Variants in NELL1 observed in about 807,000 individuals in gnomAD.
The protein encoded by NELL1 is neural EGFL like 1.
A neutral mutation model predicts 107.4 loss-of-function variants in NELL1; 76 were observed. The ratio of observed to expected loss-of-function variants is 0.71; its 90% CI spans 0.59 to 0.86. The LOEUF (loss-of-function observed/expected upper bound fraction) is 0.86, where lower values mean the gene tolerates loss of function less well. NELL1 is among the 40% of genes least tolerant of loss of function. The probability of loss-of-function intolerance (pLI) is 0.00; values close to 1 mark genes in which losing one functional copy is unlikely to be tolerated. For missense variants in NELL1, 1,024 were observed against 1,005.5 expected (o/e 1.02, Z -0.25); for synonymous variants, 353 against 341.2 (o/e 1.03, Z -0.38).
intron 14 of NELL1, among the ~76,000 whole-genome samples, chr11:21,356,892 G>A (rs1408657240): frequency 6.6e-6 from 1 of 152,168 alleles, no homozygotes; most frequent in Non-Finnish European, 1.5e-5. Context: ...TTATCAGTGA[G>A]AACATACGAT....
chr11:20,788,046 C>G (rs1204486481), intron 3 of NELL1, among the ~76,000 whole-genome samples: 4 of 152,090 alleles, frequency 2.6e-5, no homozygotes, highest in Admixed American at 2.6e-4. Context: ...TAGTTCACTT[C>G]TTTTTATTGC....
chr11:20,685,816 A>C (rs954191972), intron 2 of NELL1, among the ~76,000 whole-genome samples: 7 of 152,108 alleles, frequency 4.6e-5, no homozygotes, highest in East Asian at 1.9e-4. Context: ...AAAGCAGAAG[A>C]CTGGGGAAGG....
intron 3 of NELL1, among the ~76,000 whole-genome samples, chr11:20,841,440 CT>C (rs933202650): frequency 4.0e-5 from 6 of 151,282 alleles, no homozygotes; most frequent in Non-Finnish European, 5.9e-5. Context: ...TAGATATTGG[CT>C]ACATCTGCTA....
At chr11:21,163,753 T>C (rs1408478026) in intron 13 of NELL1, among the ~76,000 whole-genome samples, 2 of 152,156 alleles carry the variant, frequency 1.3e-5, no homozygotes, top group Non-Finnish European at 2.9e-5. Flanking sequence ...ATGTTAGAAG[T>C]TCTGGTGTCT....
At chr11:21,142,420 A>G (rs1855889240) in intron 13 of NELL1, among the ~76,000 whole-genome samples, 1 of 152,234 alleles carries the variant, frequency 6.6e-6, no homozygotes, top group Non-Finnish European at 1.5e-5. Flanking sequence ...TCTGGGTCCC[A>G]AGTATGACTT....
intron 3 of NELL1, among the ~76,000 whole-genome samples, chr11:20,813,600 A>G (rs1857550911): frequency 6.6e-6 from 1 of 152,124 alleles, no homozygotes; most frequent in African/African-American, 2.4e-5. Context: ...CAGTGTCTTG[A>G]GTTTATCTTG....
At chr11:20,751,588 C>A (rs1319312574) in intron 2 of NELL1, among the ~76,000 whole-genome samples, 1 of 151,958 alleles carries the variant, frequency 6.6e-6, no homozygotes, top group East Asian at 1.9e-4. Context: ...GTGATGCTCC[C>A]ACTCCAGCCT....
intron 12 of NELL1, among the ~76,000 whole-genome samples, chr11:21,093,866 A>G (rs1854578488): frequency 6.6e-6 from 1 of 152,088 alleles, no homozygotes; most frequent in Non-Finnish European, 1.5e-5. Flanking sequence ...GGAATTCGAG[A>G]TGAGATTTGG....
At chr11:21,411,762 G>A (rs1233914942) in intron 15 of NELL1, among the ~76,000 whole-genome samples, 1 of 152,052 alleles carries the variant, frequency 6.6e-6, no homozygotes, top group Admixed American at 6.6e-5. Context: ...AAATGATTCA[G>A]GTGAGGTGAA....
rs1854491199 is a variant in NELL1 at position 20,692,373 on chromosome 11, A to G, written c.184+14313A>G. On this transcript the variant is annotated intron_variant, in intron 2 of 19. Transcript: ENST00000357134. ...TGCTTCTCTAGTTCTTTTAATTGTGATGTTAGGGTGTCAATTTTGGGTCTT... is the reference window on the plus strand; with the variant it reads ...TGCTTCTCTAGTTCTTTTAATTGTGGTGTTAGGGTGTCAATTTTGGGTCTT... Among the ~76,000 whole-genome samples, 9 of 150,640 alleles carry G rather than the reference A, an allele frequency of 6.0e-5. No individual in the cohort carries two copies. In the South Asian group the frequency reaches 1.9e-3, roughly 32 times the overall value.
intron 3 of NELL1, among the ~76,000 whole-genome samples, chr11:20,803,624 A>G (rs375765682): frequency 1.3e-5 from 2 of 152,002 alleles, no homozygotes; most frequent in African/African-American, 4.8e-5. Context: ...TAGTTCTTTA[A>G]GATGCATCAT....
chr11:21,018,880 T>C (rs759655492), intron 12 of NELL1, among the ~76,000 whole-genome samples: 23 of 152,162 alleles, frequency 1.5e-4, no homozygotes, highest in Non-Finnish European at 2.9e-4. Context: ...CTGCAGAGGC[T>C]GCTTCCTATT....
intron 4 of NELL1, among the ~76,000 whole-genome samples, chr11:20,884,205 C>T (rs1849461815): frequency 1.3e-5 from 2 of 152,312 alleles, no homozygotes; most frequent in South Asian, 2.1e-4. Flanking sequence ...CAGCTCCCAA[C>T]TGCAGCAGGC....
chr11:20,748,187 A>G (rs189062014), intron 2 of NELL1, among the ~76,000 whole-genome samples: 15 of 152,252 alleles, frequency 9.9e-5, no homozygotes, highest in African/African-American at 2.9e-4. Context: ...CACCTAGGAT[A>G]GACCACCTAA....
At chr11:20,910,227 T>C (rs1850096307) in intron 5 of NELL1, among the ~76,000 whole-genome samples, 1 of 152,138 alleles carries the variant, frequency 6.6e-6, no homozygotes, top group South Asian at 2.1e-4. Flanking sequence ...TCGGCAATGT[T>C]TCAAGGTAGA....
intron 14 of NELL1, among the ~76,000 whole-genome samples, chr11:21,240,333 A>G (rs1279166448): frequency 6.6e-6 from 1 of 152,076 alleles, no homozygotes; most frequent in Non-Finnish European, 1.5e-5. Context: ...ATGCTTACCA[A>G]CAAATACTGA....
At chr11:21,086,996 G>C in intron 12 of NELL1, among the ~76,000 whole-genome samples, 1 of 152,010 alleles carries the variant, frequency 6.6e-6, no homozygotes, top group East Asian at 2.0e-4. Flanking sequence ...GTGTCACCAC[G>C]CCTGGCTAAT....
chr11:21,040,764 T>G (rs767294145), intron 12 of NELL1, among the ~76,000 whole-genome samples: 2 of 152,168 alleles, frequency 1.3e-5, no homozygotes, highest in Non-Finnish European at 2.9e-5. Context: ...TCATATTATC[T>G]TGGATTGTTA....
chr11:20,687,841 C>T (rs1454711075), intron 2 of NELL1, among the ~76,000 whole-genome samples: 1 of 152,078 alleles, frequency 6.6e-6, no homozygotes, highest in Non-Finnish European at 1.5e-5. Flanking sequence ...GATCTGTCCA[C>T]TTCGGCCTCC....
Sources: allele counts gnomAD v4.1 joint callset (sites outside exome capture counted in the v4.1 genomes callset), GRCh38; gene constraint gnomAD v4.1.1; transcripts MANE v1.5; gene names NCBI Gene and HGNC (gene_info 2026-07-23, HGNC 2026-07-21).